The following ASIC2 variants were observed in gnomAD, a reference collection of about 807,000 sequenced individuals.
The protein encoded by ASIC2 is acid sensing ion channel subunit 2.
In ASIC2, 25 loss-of-function variants were observed where a neutral mutation model predicts 57.3. That is an observed-to-expected ratio of 0.44 (90% confidence interval 0.32 to 0.61). The LOEUF (loss-of-function observed/expected upper bound fraction) is 0.61. Among genes scored for constraint, ASIC2 ranks in the 20% least tolerant of loss-of-function variants. ASIC2 has a pLI of 0.06. For synonymous variants in ASIC2, 319 were observed against 307.5 expected, an observed-to-expected ratio of 1.04 and a Z score of -0.39; for missense variants, 641 against 738.1, an observed-to-expected ratio of 0.87 and a Z score of 1.52.
intron 3 of ASIC2, among the ~76,000 whole-genome samples, chr17:33,074,075 T>C (rs1441604261): frequency 1.3e-5 from 2 of 152,262 alleles, no homozygotes; most frequent in East Asian, 3.9e-4. Flanking sequence ...GGCTCTAGCC[T>C]CCGAGGCTCT....
chr17:33,799,470 C>CT (rs1567719210), intron 1 of ASIC2, among the ~76,000 whole-genome samples: 5 of 130,894 alleles, frequency 3.8e-5, no homozygotes, highest in Non-Finnish European at 1.6e-5. Flanking sequence ...TTCTTTCTTT[C>CT]TTTCTTTCCT....
intron 1 of ASIC2, among the ~76,000 whole-genome samples, chr17:33,350,238 T>A (rs1908107579): frequency 6.6e-6 from 1 of 152,200 alleles, no homozygotes; most frequent in Non-Finnish European, 1.5e-5. Flanking sequence ...CATGTGTCTA[T>A]GCCTTGCTGC....
intron 1 of ASIC2, among the ~76,000 whole-genome samples, chr17:33,707,282 T>C (rs781412832): frequency 3.3e-5 from 5 of 152,208 alleles, no homozygotes; most frequent in Admixed American, 2.0e-4. Flanking sequence ...CCTTTAATTA[T>C]GGCAAATTTT....
chr17:33,871,929 G>A (rs530416425), intron 1 of ASIC2, among the ~76,000 whole-genome samples: 48 of 152,224 alleles, frequency 3.2e-4, no homozygotes, highest in African/African-American at 1.1e-3. Context: ...GAGGGAGAGA[G>A]AGAGAGCTTG....
intron 1 of ASIC2, among the ~76,000 whole-genome samples, chr17:34,106,971 A>T (rs923457689): frequency 6.6e-6 from 1 of 152,204 alleles, no homozygotes; most frequent in Non-Finnish European, 1.5e-5. Context: ...ATGCATGGAC[A>T]TATATATGTA....
At chr17:33,433,025 C>T (rs1434571074) in intron 1 of ASIC2, among the ~76,000 whole-genome samples, 1 of 152,184 alleles carries the variant, frequency 6.6e-6, no homozygotes, top group Non-Finnish European at 1.5e-5. Context: ...ACAGAACTAC[C>T]ATTCAACCCA....
At chr17:34,041,697 C>G (rs975568266) in intron 1 of ASIC2, among the ~76,000 whole-genome samples, 7 of 152,184 alleles carry the variant, frequency 4.6e-5, no homozygotes, top group African/African-American at 1.7e-4. Flanking sequence ...GGGGCTAACA[C>G]TTGGTGTGAG....
intron 1 of ASIC2, among the ~76,000 whole-genome samples, chr17:33,548,385 A>T (rs551150573): frequency 6.6e-6 from 1 of 152,338 alleles, no homozygotes; most frequent in African/African-American, 2.4e-5. Context: ...GCTCAGGAGG[A>T]GACATGGCTC....
At chr17:33,710,733 G>C (rs1453996714) in intron 1 of ASIC2, among the ~76,000 whole-genome samples, 1 of 152,174 alleles carries the variant, frequency 6.6e-6, no homozygotes, top group Non-Finnish European at 1.5e-5. Flanking sequence ...AGGTTGTGGT[G>C]TATCCAAGCA....
intron 1 of ASIC2, among the ~76,000 whole-genome samples, chr17:33,117,241 C>A (rs564801259): frequency 3.3e-5 from 5 of 151,922 alleles, no homozygotes; most frequent in Non-Finnish European, 7.4e-5. Flanking sequence ...GGCATGATCT[C>A]GGCTCACTAC....
chr17:33,717,015 A>G (rs1044607919), intron 1 of ASIC2, among the ~76,000 whole-genome samples: 4 of 152,216 alleles, frequency 2.6e-5, no homozygotes, highest in African/African-American at 9.6e-5. Context: ...CTTTCTAAAG[A>G]AGATCTGTGG....
chr17:33,293,422 C>G (rs1260334816), upstream of ASIC2, among the ~76,000 whole-genome samples: 1 of 152,170 alleles, frequency 6.6e-6, no homozygotes, highest in Non-Finnish European at 1.5e-5. Flanking sequence ...GAGCGGGAAG[C>G]CTCTTGCTGG....
At chr17:34,121,046 G>C (rs1448201729) in intron 1 of ASIC2, among the ~76,000 whole-genome samples, 1 of 152,008 alleles carries the variant, frequency 6.6e-6, no homozygotes, top group Non-Finnish European at 1.5e-5. Context: ...GGCCAGTACT[G>C]GTGTCCTCCT....
At chr17:34,039,260 G>C (rs1908006662) in intron 1 of ASIC2, 2 of 1,613,982 alleles carry the variant, frequency 1.2e-6, no homozygotes, top group Admixed American at 3.3e-5. Context: ...GTCTGTCTGT[G>C]CTGGATGGAG....
chr17:33,898,266 C>T lies in ASIC2; in HGVS notation c.555+257712G>A, dbSNP rs557788728. Among the ~76,000 whole-genome samples the T allele has an allele frequency of 7.6e-5, 7 of 91,578 alleles. No homozygotes were observed. The East Asian group carries it at 1.6e-3, about 21-fold the overall frequency. 60.1% of individuals were successfully genotyped at this position (91,578 alleles called of 152,430 possible). A position where few individuals can be genotyped will look rare whatever the true frequency, so the allele number is the denominator to read the frequency against. ...TTTTTTTTTTTTTGAGACTGAGTCT[C>T]GCTCTGTCACCCAGGCTGGAGTGCA... On this transcript the variant is annotated intron_variant, in intron 1 of 9. Transcript: ENST00000359872.
intron 1 of ASIC2, among the ~76,000 whole-genome samples, chr17:33,426,091 A>G (rs1484898318): frequency 2.0e-5 from 3 of 152,082 alleles, no homozygotes; most frequent in African/African-American, 7.2e-5. Flanking sequence ...GCCCAGGGAC[A>G]ATGAAGGGTT....
At chr17:33,446,169 T>C (rs1187817475) in intron 1 of ASIC2, among the ~76,000 whole-genome samples, 1 of 152,106 alleles carries the variant, frequency 6.6e-6, no homozygotes, top group East Asian at 1.9e-4. Context: ...AGTAGGCATG[T>C]TGACCAGTAG....
intron 1 of ASIC2, among the ~76,000 whole-genome samples, chr17:33,239,163 C>T (rs527761383): frequency 3.3e-5 from 5 of 149,318 alleles, no homozygotes; most frequent in East Asian, 2.0e-4. Context: ...TGGTGGCATG[C>T]GCCTGTAATC....
chr17:33,129,805 G>A (rs965447293), intron 1 of ASIC2, among the ~76,000 whole-genome samples: 6 of 152,198 alleles, frequency 3.9e-5, no homozygotes, highest in Non-Finnish European at 8.8e-5. Context: ...GGGGATTGGG[G>A]ACCTGAGCTT....
Sources: allele counts gnomAD v4.1 joint callset (sites outside exome capture counted in the v4.1 genomes callset), GRCh38; gene constraint gnomAD v4.1.1; transcripts MANE v1.5; gene names NCBI Gene and HGNC (gene_info 2026-07-23, HGNC 2026-07-21).